OTOGL: variants seen among roughly 807,000 people sequenced by gnomAD.
The protein encoded by OTOGL is otogelin like, also known as otogelin-like protein.
OTOGL carries 285 observed loss-of-function variants against 318.5 expected under a neutral mutation model. The ratio of observed to expected loss-of-function variants is 0.89; its 90% CI spans 0.81 to 0.99. The LOEUF is 0.99. Ranked by LOEUF, OTOGL falls within the 50% of genes least tolerant of loss-of-function variation. The pLI is 0.00. For missense variants in OTOGL, 2,899 were observed against 2,845.6 expected (o/e 1.02, Z -0.43); for synonymous variants, 987 against 936.5 (o/e 1.05, Z -0.99).
intron 19 of OTOGL, among the ~76,000 whole-genome samples, chr12:80,263,164 G>A (rs1032074682): frequency 5.9e-5 from 9 of 151,952 alleles, no homozygotes; most frequent in Non-Finnish European, 1.2e-4. Flanking sequence ...TAATAACACG[G>A]CTAGACTAGA....
In OTOGL at chr12:80,278,263, C is replaced by T. The variant is rs1291993127; in HGVS notation, c.2777C>T (p.Pro926Leu). 16 of 1,535,654 alleles carry T rather than the reference C, an allele frequency of 1.0e-5. No homozygotes were observed. In the African/African-American group the frequency reaches 1.1e-4, roughly 11 times the overall value. Residue 926 changes from proline to leucine, a missense_variant, in exon 25 of 59, where the codon CCG (proline) becomes CTG (leucine). Pro to Leu is a moderately conservative substitution (Grantham distance 98). This residue lies in a region of OTOGL where 2,607 missense variants were observed against 2,524.9 expected (regional missense o/e 1.03). Coordinates refer to ENST00000547103, the MANE Select transcript of OTOGL (RefSeq NM_001378609.3). ...CTCTCAGGAGAAGTGATTGCTACAC[C>T]GTGTTACACCTGGTAAGGAGATCCA... is the stretch of plus-strand genomic sequence containing the variant. Reference protein sequence around the residue: ...EYLSGEVIATPCYTCVCRRGM... With the variant: ...EYLSGEVIATLCYTCVCRRGM...
At chr12:80,258,131 T>A (rs1308069752) in intron 18 of OTOGL, 129 bp downstream of exon 18, 20 of 851,162 alleles carry the variant, frequency 2.3e-5, no homozygotes, top group South Asian at 1.6e-4. Context: ...ACATGGATCA[T>A]CGTATTTAAA....
At chr12:80,176,217 C>T (rs991051090) in intron 1 of OTOGL, among the ~76,000 whole-genome samples, 2 of 152,136 alleles carry the variant, frequency 1.3e-5, no homozygotes, top group Non-Finnish European at 2.9e-5. Context: ...TTCTGCCAAA[C>T]TCTGGTCTTA....
At chr12:80,233,215 C>A (rs1386322172) in intron 9 of OTOGL, 118 bp downstream of exon 9, 7 of 864,040 alleles carry the variant, frequency 8.1e-6, no homozygotes, top group African/African-American at 1.7e-5. Flanking sequence ...CTGTCACTTG[C>A]CTGCTTTAGT....
Position 80,238,826 on chromosome 12 carries a change from G to C in OTOGL, c.818-25G>C, listed in dbSNP as rs111522079. ...TATGATTACACCTATTTGTGTGTGT[G>C]TGTGTGTGTGCCTGTGTGAAATAGA... On this transcript the variant is annotated intron_variant, in intron 9 of 58. Coordinates refer to ENST00000547103, the MANE Select transcript of OTOGL (RefSeq NM_001378609.3). 19 of 1,507,150 alleles carry C rather than the reference G, an allele frequency of 1.3e-5. No individual in the cohort carries two copies. The African/African-American group carries it at 1.4e-4, about 11-fold the overall frequency. The allele number at this position is 1,507,150 out of a possible 1,614,324, so 93.4% of individuals were successfully genotyped here.
rs996466064 is a variant in OTOGL, at chr12:80,379,827, G to A, written c.*1779G>A. ...CAAATACAGCAAATAAGCATTTAGG[G>A]CCTACATGTGCCAGGCACTATTATA... is the stretch of plus-strand genomic sequence containing the variant. On this transcript the variant is annotated 3_prime_UTR_variant, in exon 59 of 59. Transcript: ENST00000547103. 3 of 151,948 alleles carry A rather than the reference G, an allele frequency of 2.0e-5. No individual in the cohort carries two copies. Among genetic ancestry groups the A allele is most frequent in the African/African-American group, 7.2e-5 (3 of 41,476 alleles). 9.4% of individuals were successfully genotyped at this position (151,948 alleles called of 1,614,324 possible).
At position 80,365,943 on chromosome 12, in the gene OTOGL, A is replaced by G. The variant is rs578032269; in HGVS notation, c.6268-631A>G. 2.0e-5 allele frequency among the ~76,000 whole-genome samples: 3 copies of G among 152,244 alleles called. No homozygotes were observed. In the East Asian group the frequency reaches 5.8e-4, roughly 29 times the overall value. On this transcript the variant is annotated intron_variant, in intron 52 of 58. Transcript: ENST00000547103. ...GTGGGAAGAATCTTTGTCAGTCCTGATAGGGCAAAGTTTGAGCATCTGTCA... is the reference window on the plus strand; with the variant it reads ...GTGGGAAGAATCTTTGTCAGTCCTGGTAGGGCAAAGTTTGAGCATCTGTCA...
chr12:80,326,600 C>T (rs1431487458), intron 35 of OTOGL, among the ~76,000 whole-genome samples: 1 of 152,186 alleles, frequency 6.6e-6, no homozygotes, highest in Non-Finnish European at 1.5e-5. Context: ...TAGCCCTTGT[C>T]TGTCAGTGAT....
intron 26 of OTOGL, among the ~76,000 whole-genome samples, chr12:80,296,330 A>G (rs1266486365): frequency 2.0e-5 from 3 of 152,246 alleles, no homozygotes; most frequent in East Asian, 3.8e-4. Context: ...TGGATAATAC[A>G]TGTAAAATTC....
chr12:80,294,308 G>A (rs1437177607), intron 26 of OTOGL, among the ~76,000 whole-genome samples: 1 of 151,730 alleles, frequency 6.6e-6, no homozygotes, highest in Non-Finnish European at 1.5e-5. Flanking sequence ...TGACATTTCA[G>A]ATTTAATATA....
intron 1 of OTOGL, among the ~76,000 whole-genome samples, chr12:80,198,054 A>G (rs548813272): frequency 1.1e-3 from 162 of 152,252 alleles, no homozygotes; most frequent in Middle Eastern, 3.4e-3. Context: ...GGCCAAAATC[A>G]TCTAAATCCC....
intron 1 of OTOGL, among the ~76,000 whole-genome samples, chr12:80,179,701 C>T (rs1039612411): frequency 6.6e-6 from 1 of 152,170 alleles, no homozygotes; most frequent in African/African-American, 2.4e-5. Context: ...GTGGCCAGGG[C>T]ATTCAGTGCT....
intron 32 of OTOGL, among the ~76,000 whole-genome samples, chr12:80,316,433 C>T (rs1016813138): frequency 6.6e-6 from 1 of 152,216 alleles, no homozygotes; most frequent in African/African-American, 2.4e-5. Flanking sequence ...CATATTGAAT[C>T]TCTCTACCTC....
intron 39 of OTOGL, 80 bp downstream of exon 39, chr12:80,336,220 C>A: frequency 7.2e-7 from 1 of 1,394,664 alleles, no homozygotes; most frequent in African/African-American, 1.5e-5. Flanking sequence ...GAACCTTTCA[C>A]CTCATCAAGC....
chr12:80,124,932 T>C (rs896991308), intron 1 of OTOGL, among the ~76,000 whole-genome samples: 7 of 152,226 alleles, frequency 4.6e-5, no homozygotes, highest in African/African-American at 1.2e-4. Flanking sequence ...CTGAAGGAGA[T>C]TTTGGGCTGA....
chr12:80,373,972 A>C (rs372121647), intron 57 of OTOGL, among the ~76,000 whole-genome samples: 2 of 152,170 alleles, frequency 1.3e-5, no homozygotes, highest in East Asian at 3.8e-4. Context: ...ATGTCTAAAA[A>C]GCCAAACTCA....
chr12:80,124,634 G>A (rs533193067), intron 1 of OTOGL, among the ~76,000 whole-genome samples: 6 of 152,216 alleles, frequency 3.9e-5, no homozygotes, highest in African/African-American at 9.6e-5. Flanking sequence ...TGGGCAATAC[G>A]GCCATTTTCA....
intron 24 of OTOGL, among the ~76,000 whole-genome samples, chr12:80,277,922 G>C (rs771372952): frequency 6.6e-5 from 10 of 151,298 alleles, no homozygotes; most frequent in Non-Finnish European, 1.5e-4. Flanking sequence ...CATGCACTTA[G>C]TGAATAGCAA....
chr12:80,250,216 C>G (rs906732883), intron 11 of OTOGL, among the ~76,000 whole-genome samples: 1 of 152,140 alleles, frequency 6.6e-6, no homozygotes, highest in Non-Finnish European at 1.5e-5. Context: ...CTTTAATACC[C>G]ATTTTTCCTA....
Sources: gnomAD v4.1 joint callset for allele counts (sites outside exome capture counted in the v4.1 genomes callset) on GRCh38, gnomAD v4.1.1 for gene constraint, gnomAD v4.1.1 regional missense constraint, MANE v1.5 for transcripts, NCBI Gene and HGNC (gene_info 2026-07-23, HGNC 2026-07-21) for gene names.